The following FAM110B variants were observed in gnomAD, a reference collection of about 807,000 sequenced individuals.
FAM110B encodes the protein protein FAM110B.
In FAM110B, 6 loss-of-function variants were observed where a neutral mutation model predicts 20.4. That is an observed-to-expected ratio of 0.29 (90% CI 0.16 to 0.58). FAM110B has a LOEUF of 0.58. FAM110B is among the 20% of genes least tolerant of loss of function. The pLI is 0.90. For synonymous variants in FAM110B, 226 were observed against 214.1 expected (o/e 1.06, Z -0.49); for missense variants, 434 against 498.2 (o/e 0.87, Z 1.23).
intron 3 of FAM110B, among the ~76,000 whole-genome samples, chr8:58,142,125 T>G (rs1803756222): frequency 6.6e-6 from 1 of 152,224 alleles, no homozygotes; most frequent in African/African-American, 2.4e-5. Context: ...AAACTTGGAA[T>G]TCTCTGAGAT....
chr8:58,109,187 G>C (rs148924399), intron 3 of FAM110B, among the ~76,000 whole-genome samples: 254 of 152,228 alleles, frequency 1.7e-3, no homozygotes, highest in African/African-American at 5.8e-3. Context: ...CCCATCCCAA[G>C]CATCCCCATA....
chr8:58,094,862 T>C (rs1228283813), intron 3 of FAM110B, among the ~76,000 whole-genome samples: 2 of 152,230 alleles, frequency 1.3e-5, no homozygotes, highest in Non-Finnish European at 1.5e-5. Flanking sequence ...GAATTCGCTA[T>C]GAATTCATCT....
intron 2 of FAM110B, among the ~76,000 whole-genome samples, chr8:58,045,842 A>T (rs1452692922): frequency 6.6e-6 from 1 of 152,214 alleles, no homozygotes; most frequent in Non-Finnish European, 1.5e-5. Context: ...AGGCTGAGTA[A>T]TATATAAACA....
chr8:58,104,889 A>T (rs977513204), intron 3 of FAM110B, among the ~76,000 whole-genome samples: 1 of 152,034 alleles, frequency 6.6e-6, no homozygotes, highest in Non-Finnish European at 1.5e-5. Flanking sequence ...TTAACTGAGT[A>T]ACTTTGCATC....
intron 1 of FAM110B, among the ~76,000 whole-genome samples, chr8:58,005,374 C>T (rs1304731022): frequency 6.6e-6 from 1 of 152,188 alleles, no homozygotes; most frequent in Non-Finnish European, 1.5e-5. Context: ...GATCCCTGAT[C>T]ACACATCACC....
chr8:58,142,802 G>A (rs940541095), intron 3 of FAM110B, among the ~76,000 whole-genome samples: 3 of 152,240 alleles, frequency 2.0e-5, no homozygotes, highest in Non-Finnish European at 4.4e-5. Context: ...TCAAGGATCA[G>A]GCAAGGCTAT....
intron 3 of FAM110B, among the ~76,000 whole-genome samples, chr8:58,135,309 T>C (rs960857552): frequency 3.9e-5 from 6 of 152,176 alleles, no homozygotes; most frequent in African/African-American, 1.4e-4. Context: ...TAATAAGAAA[T>C]GGTCATTACT....
At chr8:58,140,843 A>C (rs1383092790) in intron 3 of FAM110B, among the ~76,000 whole-genome samples, 3 of 152,072 alleles carry the variant, frequency 2.0e-5, no homozygotes, top group African/African-American at 7.2e-5. Context: ...CTTTACCTTC[A>C]AGTCCTTTGC....
intron 3 of FAM110B, among the ~76,000 whole-genome samples, chr8:58,144,239 G>C (rs570487058): frequency 2.0e-5 from 3 of 152,148 alleles, no homozygotes; most frequent in African/African-American, 7.2e-5. Context: ...TGATGACCTC[G>C]GAGTTGCATC....
At chr8:58,019,379 AAAAGAAAAG>A (rs1308261969) in intron 1 of FAM110B, among the ~76,000 whole-genome samples, 1 of 147,328 alleles carries the variant, frequency 6.8e-6, no homozygotes, top group Non-Finnish European at 1.5e-5. Context: ...AGAAAGAAAG[AAAAGAAAAG>A]AAAGAAAAAA....
chr8:58,062,436 A>C (rs1302687398), intron 2 of FAM110B, among the ~76,000 whole-genome samples: 1 of 152,194 alleles, frequency 6.6e-6, no homozygotes, highest in Admixed American at 6.5e-5. Context: ...TTTGCACATT[A>C]ATTTCTATTG....
chr8:58,033,006 T>C (rs948736314), intron 2 of FAM110B, among the ~76,000 whole-genome samples: 2 of 152,204 alleles, frequency 1.3e-5, no homozygotes, highest in African/African-American at 4.8e-5. Flanking sequence ...AATGATCCCA[T>C]CAGCCAGGTA....
intron 3 of FAM110B, among the ~76,000 whole-genome samples, chr8:58,116,702 C>A (rs1357005339): frequency 2.0e-5 from 3 of 152,092 alleles, no homozygotes; most frequent in Non-Finnish European, 2.9e-5. Flanking sequence ...CTATTTCTCC[C>A]AGGCACTGAA....
chr8:58,088,150 T>C (rs538385606), intron 3 of FAM110B, among the ~76,000 whole-genome samples: 2 of 152,330 alleles, frequency 1.3e-5, no homozygotes, highest in Non-Finnish European at 2.9e-5. Flanking sequence ...ACACAGACTA[T>C]CAAAATGTAT....
chr8:58,035,001 C>T (rs989810963), intron 2 of FAM110B, among the ~76,000 whole-genome samples: 1 of 152,138 alleles, frequency 6.6e-6, no homozygotes, highest in African/African-American at 2.4e-5. Context: ...AAACTTTGGT[C>T]ACAAAGGCTC....
At chr8:58,062,295 TA>T (rs1441875204) in intron 2 of FAM110B, among the ~76,000 whole-genome samples, 1 of 152,210 alleles carries the variant, frequency 6.6e-6, no homozygotes, top group East Asian at 1.9e-4. Context: ...GTAACATTTC[TA>T]AAAAGAAATT....
chr8:58,084,702 T>C (rs1198629807), intron 3 of FAM110B, among the ~76,000 whole-genome samples: 2 of 152,138 alleles, frequency 1.3e-5, no homozygotes, highest in East Asian at 3.9e-4. Context: ...CTCCGTTTTT[T>C]AAACATGATT....
At chr8:58,089,619 T>C (rs1487402434) in intron 3 of FAM110B, among the ~76,000 whole-genome samples, 1 of 152,192 alleles carries the variant, frequency 6.6e-6, no homozygotes, top group Non-Finnish European at 1.5e-5. Flanking sequence ...AAGACATCCA[T>C]TGGGGGAACA....
chr8:58,142,915 A>G (rs1803773966), intron 3 of FAM110B, among the ~76,000 whole-genome samples: 1 of 152,238 alleles, frequency 6.6e-6, no homozygotes, highest in South Asian at 2.1e-4. Context: ...CTATCCCATC[A>G]GTGCCTGACT....
Sources: allele counts gnomAD v4.1 joint callset (sites outside exome capture counted in the v4.1 genomes callset), GRCh38; gene constraint gnomAD v4.1.1; transcripts MANE v1.5; gene names NCBI Gene and HGNC (gene_info 2026-07-23, HGNC 2026-07-21).